DIP2C: variants seen among roughly 807,000 people sequenced by gnomAD.
DIP2C encodes disco-interacting protein 2 homolog C.
DIP2C carries 33 observed loss-of-function variants against 192.4 expected under a neutral mutation model. The ratio of observed to expected loss-of-function variants is 0.17; its 90% confidence interval spans 0.13 to 0.23. The LOEUF is 0.23. DIP2C is among the 10% of genes least tolerant of loss of function. DIP2C has a pLI of 1.00. For synonymous variants in DIP2C, 979 were observed against 864.1 expected, an observed-to-expected ratio of 1.13 and a Z score of -2.33; for missense variants, 1,537 against 2,110.1, an observed-to-expected ratio of 0.73 and a Z score of 5.32.
chr10:657,716 T>C (rs1205571536), intron 1 of DIP2C, among the ~76,000 whole-genome samples: 1 of 142,704 alleles, frequency 7.0e-6, no homozygotes, highest in Non-Finnish European at 1.5e-5. Context: ...CCCCTGGACC[T>C]GCCCCTGGAC....
intron 1 of DIP2C, among the ~76,000 whole-genome samples, chr10:517,038 A>G (rs1453913409): frequency 6.6e-6 from 1 of 151,720 alleles, no homozygotes; most frequent in Non-Finnish European, 1.5e-5. Flanking sequence ...GGGGTTTTTA[A>G]AAGTAGAGCA....
rs547859212 is a variant in DIP2C at position 581,042 on chromosome 10, G to C, written c.86-94512C>G. 1.7e-4 allele frequency among the ~76,000 whole-genome samples: 26 copies of C among 151,848 alleles called. 1 individual carries two copies. In the South Asian group the frequency reaches 5.4e-3, roughly 32 times the overall value. ...AGATTATTCATTTTCTGGTGAGAGAGACCAATGTCCCAGGGTGAGGGCAAC... is the reference window on the plus strand; with the variant it reads ...AGATTATTCATTTTCTGGTGAGAGACACCAATGTCCCAGGGTGAGGGCAAC... On this transcript the variant is annotated intron_variant, in intron 1 of 36. Transcript: ENST00000280886.
chr10:467,965 T>C (rs1970355762), intron 3 of DIP2C, among the ~76,000 whole-genome samples: 1 of 152,096 alleles, frequency 6.6e-6, no homozygotes, highest in Non-Finnish European at 1.5e-5. Context: ...AAAATATATA[T>C]AAATTAAAAA....
At chr10:358,168 T>C (rs1959170236) in intron 22 of DIP2C, among the ~76,000 whole-genome samples, 1 of 152,128 alleles carries the variant, frequency 6.6e-6, no homozygotes, top group Non-Finnish European at 1.5e-5. Context: ...TGAAGCTCCC[T>C]GGAGGCCCTC....
At chr10:334,492 TTGA>T (rs1265352254) in intron 29 of DIP2C, among the ~76,000 whole-genome samples, 1 of 152,128 alleles carries the variant, frequency 6.6e-6, no homozygotes, top group Non-Finnish European at 1.5e-5. Flanking sequence ...TAGTATACCT[TTGA>T]TGAACTCTGT....
chr10:580,453 G>A (rs1443914354), intron 1 of DIP2C, among the ~76,000 whole-genome samples: 2 of 152,120 alleles, frequency 1.3e-5, no homozygotes, highest in Non-Finnish European at 2.9e-5. Context: ...ATACATGCAT[G>A]TATGTACACA....
intron 1 of DIP2C, chr10:663,596 T>A (rs1276913116): frequency 6.6e-6 from 1 of 152,182 alleles, no homozygotes; most frequent in Admixed American, 6.5e-5. Context: ...TCGAAAAGGC[T>A]GAGATGTCTG....
At chr10:441,901 G>A (rs1353656449) in intron 3 of DIP2C, among the ~76,000 whole-genome samples, 1 of 150,336 alleles carries the variant, frequency 6.7e-6, no homozygotes. Flanking sequence ...CAGTGTCACA[G>A]CATCTCACGC....
At chr10:619,190 G>A (rs1057108222) in intron 1 of DIP2C, among the ~76,000 whole-genome samples, 1 of 152,122 alleles carries the variant, frequency 6.6e-6, no homozygotes, top group Admixed American at 6.5e-5. Context: ...GTGAACACCT[G>A]GACAAGTCAC....
At chr10:291,038 G>C (rs1005611475) in intron 32 of DIP2C, among the ~76,000 whole-genome samples, 9 of 152,234 alleles carry the variant, frequency 5.9e-5, no homozygotes, top group African/African-American at 2.2e-4. Flanking sequence ...AGGCTGTGCA[G>C]CATTCCCAGA....
At chr10:599,444 T>G (rs990106402) in intron 1 of DIP2C, among the ~76,000 whole-genome samples, 2 of 152,212 alleles carry the variant, frequency 1.3e-5, no homozygotes, top group African/African-American at 4.8e-5. Flanking sequence ...ACTGAACCCT[T>G]ACTAGACCAA....
chr10:354,834 A>G (rs989917105), intron 24 of DIP2C, among the ~76,000 whole-genome samples: 4 of 151,930 alleles, frequency 2.6e-5, no homozygotes, highest in African/African-American at 9.7e-5. Context: ...TCTCTAGAGA[A>G]CTGCCAAGAC....
chr10:416,905 C>T (rs1162654039), intron 6 of DIP2C, among the ~76,000 whole-genome samples: 2 of 152,162 alleles, frequency 1.3e-5, no homozygotes, highest in Non-Finnish European at 2.9e-5. Flanking sequence ...CCCTTGTTCG[C>T]CCCCGCACTG....
In DIP2C at chr10:689,378, G is replaced by T; in HGVS notation, c.85+116C>A. The stretch of plus-strand genomic sequence containing the variant: ...GACGCGCACGCTCCGGGCTGGGGTC[G>T]CACCTCCCCCTCCGGGCCCGGCCCC... On this transcript the variant is annotated intron_variant, in intron 1 of 36. Transcript: ENST00000280886. This position sits in a 1 kb window ranked among gnomAD's most constrained non-coding sequence, Gnocchi z 6.1. The T allele has an allele frequency of 2.0e-6, 1 of 510,278 alleles. No individual in the cohort carries two copies. The highest frequency in any genetic ancestry group is 2.5e-6 in the Non-Finnish European group (1 of 393,392). 31.6% of individuals were successfully genotyped at this position (510,278 alleles called of 1,614,324 possible).
At chr10:436,060 T>C (rs1436422986) in intron 4 of DIP2C, among the ~76,000 whole-genome samples, 1 of 152,004 alleles carries the variant, frequency 6.6e-6, no homozygotes, top group Non-Finnish European at 1.5e-5. Flanking sequence ...ACAAAGAAAA[T>C]ATTTTCTATT....
chr10:517,169 C>CAT (rs1846416979), intron 1 of DIP2C, among the ~76,000 whole-genome samples: 1 of 152,074 alleles, frequency 6.6e-6, no homozygotes, highest in Admixed American at 6.5e-5. Context: ...TACACATCCC[C>CAT]ATCCAGCCAA....
chr10:688,728 TG>T (rs1831423606), intron 1 of DIP2C, among the ~76,000 whole-genome samples: 1 of 152,192 alleles, frequency 6.6e-6, no homozygotes, highest in Non-Finnish European at 1.5e-5. Flanking sequence ...ATCTCCGCCA[TG>T]AAGAGCAAAT....
chr10:547,491 G>A (rs1749548797), intron 1 of DIP2C, among the ~76,000 whole-genome samples: 1 of 152,172 alleles, frequency 6.6e-6, no homozygotes, highest in Admixed American at 6.5e-5. Context: ...CAGGCCTCAT[G>A]TTACAGAGGA....
At chr10:638,329 T>G (rs1428429702) in intron 1 of DIP2C, among the ~76,000 whole-genome samples, 2 of 152,234 alleles carry the variant, frequency 1.3e-5, no homozygotes, top group Non-Finnish European at 2.9e-5. Flanking sequence ...TTAAAATTTA[T>G]GAAAAGAGCA....
Sources: gnomAD v4.1 joint callset for allele counts (sites outside exome capture counted in the v4.1 genomes callset) on GRCh38, gnomAD v4.1.1 for gene constraint, Gnocchi (gnomAD v3.1) non-coding constraint, MANE v1.5 for transcripts, NCBI Gene and HGNC (gene_info 2026-07-23, HGNC 2026-07-21) for gene names.